Variants in CNTNAP5 observed in about 807,000 individuals in gnomAD.
CNTNAP5 encodes the protein contactin associated protein family member 5, also known as contactin-associated protein-like 5.
CNTNAP5 carries 72 observed loss-of-function variants against 150.2 expected under a neutral mutation model. That is an observed-to-expected ratio of 0.48 (90% CI 0.40 to 0.58). The LOEUF (loss-of-function observed/expected upper bound fraction) is 0.58. Ranked by LOEUF, CNTNAP5 falls within the 20% of genes least tolerant of loss-of-function variation. The pLI is 0.00. For synonymous variants in CNTNAP5, 672 were observed against 619.8 expected, an observed-to-expected ratio of 1.08 and a Z score of -1.25; for missense variants, 1,636 against 1,626.2, an observed-to-expected ratio of 1.01 and a Z score of -0.10.
At chr2:124,645,401 TA>T (rs2105025101) in intron 12 of CNTNAP5, among the ~76,000 whole-genome samples, 1 of 152,250 alleles carries the variant, frequency 6.6e-6, no homozygotes, top group African/African-American at 2.4e-5. Context: ...AGCCCATCTC[TA>T]AAAAACTTTT....
intron 1 of CNTNAP5, among the ~76,000 whole-genome samples, chr2:124,138,047 C>A (rs182854383): frequency 5.9e-5 from 9 of 152,202 alleles, no homozygotes; most frequent in Admixed American, 2.0e-4. Flanking sequence ...AAATGGAGAA[C>A]TGAAAAATGT....
chr2:124,340,072 A>T (rs1340348759), intron 3 of CNTNAP5, among the ~76,000 whole-genome samples: 2 of 152,180 alleles, frequency 1.3e-5, no homozygotes, highest in Admixed American at 1.3e-4. Flanking sequence ...TATGTCCACA[A>T]TTTCAGCAGA....
intron 22 of CNTNAP5, among the ~76,000 whole-genome samples, chr2:124,905,719 G>T (rs1678521385): frequency 6.6e-6 from 1 of 152,166 alleles, no homozygotes; most frequent in Admixed American, 6.6e-5. Flanking sequence ...GAGGGAGAAA[G>T]AGAAAGGGGA....
At chr2:124,317,276 C>T (rs1288810629) in intron 3 of CNTNAP5, among the ~76,000 whole-genome samples, 1 of 152,028 alleles carries the variant, frequency 6.6e-6, no homozygotes, top group East Asian at 1.9e-4. Flanking sequence ...AATTTTCAAA[C>T]ATTTTTGAAA....
intron 1 of CNTNAP5, among the ~76,000 whole-genome samples, chr2:124,221,365 G>A (rs528551143): frequency 6.6e-6 from 1 of 152,198 alleles, no homozygotes; most frequent in South Asian, 2.1e-4. Context: ...TTGAGGGTTT[G>A]CTCAAGTGGC....
At chr2:124,869,349 G>A (rs926724094) in intron 20 of CNTNAP5, among the ~76,000 whole-genome samples, 1 of 152,146 alleles carries the variant, frequency 6.6e-6, no homozygotes, top group Non-Finnish European at 1.5e-5. Flanking sequence ...AAGTTCCTGA[G>A]CAGGTTTCAT....
rs532508010 is a variant in CNTNAP5 at position 124,760,115 on chromosome 2, A to G, written c.2235-3557A>G. Among the ~76,000 whole-genome samples the G allele has an allele frequency of 1.1e-4, 16 of 152,050 alleles. No individual in the cohort carries two copies. The South Asian group carries it at 2.1e-3, about 20-fold the overall frequency. ...TACTGGCCATTCCTCCTTTGCAGCC[A>G]TAAGAAATGTAAAACATCATGTACC... On this transcript the variant is annotated intron_variant, in intron 14 of 23. Transcript: ENST00000682447.
intron 3 of CNTNAP5, among the ~76,000 whole-genome samples, chr2:124,294,351 A>C (rs1347543912): frequency 5.3e-5 from 8 of 152,212 alleles, no homozygotes; most frequent in Non-Finnish European, 1.2e-4. Flanking sequence ...AATAAGTAAA[A>C]CAGGAATTTT....
intron 3 of CNTNAP5, among the ~76,000 whole-genome samples, chr2:124,309,787 G>C (rs1688778582): frequency 6.6e-6 from 1 of 152,202 alleles, no homozygotes; most frequent in Non-Finnish European, 1.5e-5. Flanking sequence ...CATCAAGATA[G>C]TTGAGACATG....
intron 1 of CNTNAP5, among the ~76,000 whole-genome samples, chr2:124,101,459 G>C (rs11123021): frequency 0.3 from 46,085 of 151,960 alleles, 7,589 homozygotes; most frequent in Admixed American, 0.39. Context: ...AAGCTGGAAA[G>C]GGGCACAAGA....
chr2:124,766,447 G>A (rs1681071223), intron 16 of CNTNAP5, among the ~76,000 whole-genome samples: 1 of 151,774 alleles, frequency 6.6e-6, no homozygotes, highest in Non-Finnish European at 1.5e-5. Flanking sequence ...AGGTGTTTAA[G>A]TCTCCTGCAA....
chr2:124,289,292 T>C (rs1459590454), intron 3 of CNTNAP5, among the ~76,000 whole-genome samples: 1 of 152,222 alleles, frequency 6.6e-6, no homozygotes, highest in Non-Finnish European at 1.5e-5. Context: ...TAAAGATTGT[T>C]TTTAATGAAA....
At chr2:124,556,983 T>C (rs1695770748) in intron 10 of CNTNAP5, among the ~76,000 whole-genome samples, 1 of 151,308 alleles carries the variant, frequency 6.6e-6, no homozygotes, top group South Asian at 2.1e-4. Context: ...TTATCAGGAA[T>C]GCTAGATATT....
intron 2 of CNTNAP5, among the ~76,000 whole-genome samples, chr2:124,231,379 G>A (rs1425774185): frequency 1.3e-5 from 2 of 152,274 alleles, no homozygotes; most frequent in East Asian, 3.9e-4. Flanking sequence ...AACAGAGTCA[G>A]AGAGGTTAAG....
chr2:124,597,932 G>A lies in CNTNAP5; in HGVS notation c.1757-11869G>A, dbSNP rs916457060. Among the ~76,000 whole-genome samples, 213 of 131,288 alleles carry A rather than the reference G, an allele frequency of 1.6e-3. 2 individuals carry two copies. Among genetic ancestry groups the A allele is most frequent in the African/African-American group, 5.6e-3 (202 of 35,870 alleles). 86.1% of individuals were successfully genotyped at this position (131,288 alleles called of 152,430 possible). On this transcript the variant is annotated intron_variant, in intron 11 of 23. Transcript: ENST00000682447. ...CTGATACCCTTTCTTCCAGTTGATC[G>A]CATCGGCTCCTGAGGCTTCTGCATT... is the stretch of plus-strand genomic sequence containing the variant.
At chr2:124,513,765 G>T (rs1316117685) in intron 8 of CNTNAP5, among the ~76,000 whole-genome samples, 1 of 152,202 alleles carries the variant, frequency 6.6e-6, no homozygotes, top group Admixed American at 6.5e-5. Flanking sequence ...GGGCAGGGGA[G>T]CTCCCAGAGG....
At position 124,619,893 on chromosome 2, in the gene CNTNAP5, TCTCA is replaced by T. The variant is rs1475428128; in HGVS notation, c.1876+9976_1876+9979del. 8.4e-4 allele frequency among the ~76,000 whole-genome samples: 107 copies of T among 127,420 alleles called. 3 individuals carry two copies. The highest frequency in any genetic ancestry group is 3.4e-3 in the African/African-American group (98 of 29,238). The allele number at this position is 127,420 out of a possible 152,430, so 83.6% of individuals were successfully genotyped here. Reference sequence around the variant, plus strand: ...TATATATATATATATATACTCCTTCTCTCACTGTCTCATTCATATATATATATAT... The same window carrying T: ...TATATATATATATATATACTCCTTCTCTGTCTCATTCATATATATATATAT... On this transcript the variant is annotated intron_variant, in intron 12 of 23. Transcript: ENST00000682447.
chr2:124,559,170 C>T (rs775676953), intron 10 of CNTNAP5, among the ~76,000 whole-genome samples: 1 of 152,184 alleles, frequency 6.6e-6, no homozygotes, highest in Non-Finnish European at 1.5e-5. Flanking sequence ...TATCTATTAC[C>T]TGGATTGTCA....
At chr2:124,609,314 C>A (rs193026465) in intron 11 of CNTNAP5, among the ~76,000 whole-genome samples, 6 of 152,238 alleles carry the variant, frequency 3.9e-5, no homozygotes, top group Admixed American at 2.0e-4. Context: ...TAAGGCTGGG[C>A]CTGGCGGATC....
Sources: gnomAD v4.1 joint callset for allele counts (sites outside exome capture counted in the v4.1 genomes callset) on GRCh38, gnomAD v4.1.1 for gene constraint, MANE v1.5 for transcripts, NCBI Gene and HGNC (gene_info 2026-07-23, HGNC 2026-07-21) for gene names.